PINX1: variants seen among roughly 807,000 people sequenced by gnomAD.
PINX1 encodes the protein PIN2/TERF1-interacting telomerase inhibitor 1.
PINX1 carries 34 observed loss-of-function variants against 25.4 expected under a neutral mutation model. The ratio of observed to expected loss-of-function variants is 1.34; its 90% confidence interval spans 1.02 to 1.78. The LOEUF (loss-of-function observed/expected upper bound fraction) is 1.78, where lower values mean the gene tolerates loss of function less well. Ranked by LOEUF, PINX1 falls within the 40% of genes most tolerant of loss-of-function variation. PINX1 has a pLI of 0.00. For synonymous variants in PINX1, 197 were observed against 147.7 expected (o/e 1.33, Z -2.42); for missense variants, 592 against 404.9 (o/e 1.46, Z -3.97).
At position 10,765,814 on chromosome 8, in the gene PINX1, T is replaced by C. The variant is rs72549115; in HGVS notation, c.574A>G (p.Lys192Glu). The C allele has an allele frequency of 1.9e-6, 3 of 1,613,964 alleles. No homozygotes were observed. The highest frequency in any genetic ancestry group is 1.6e-4 in the Middle Eastern group (1 of 6,062). The change falls in exon 7 of 7, where the codon AAG becomes GAG. Residue 192 changes from lysine to glutamate, a missense_variant. Lys to Glu is a moderately conservative substitution (Grantham distance 56, BLOSUM62 1). Transcript: ENST00000314787. ...GACCCTGGAACTGGAACCTGGGGCTTGTTCTTCAGTGCTGCCATCCGCTTG... is the reference window on the plus strand; with the variant it reads ...GACCCTGGAACTGGAACCTGGGGCTCGTTCTTCAGTGCTGCCATCCGCTTG... The part of the protein sequence containing the change: ...FAKRMAALKN[K>E]PQVPVPGSDI...
intron 1 of PINX1, among the ~76,000 whole-genome samples, chr8:10,837,164 G>C (rs562978358): frequency 1.3e-5 from 2 of 152,338 alleles, no homozygotes; most frequent in African/African-American, 4.8e-5. Flanking sequence ...CTGAGCACCT[G>C]CTTTCCTTCT....
At chr8:10,784,941 C>G (rs1007520470) in intron 6 of PINX1, among the ~76,000 whole-genome samples, 1 of 152,222 alleles carries the variant, frequency 6.6e-6, no homozygotes, top group African/African-American at 2.4e-5. Context: ...GACATGCAAA[C>G]TCTGAGTGAA....
intron 6 of PINX1, among the ~76,000 whole-genome samples, chr8:10,783,071 A>C (rs1198029900): frequency 6.6e-6 from 1 of 152,238 alleles, no homozygotes; most frequent in Non-Finnish European, 1.5e-5. Flanking sequence ...AGATTGCAAG[A>C]AATTTAAAAG....
intron 6 of PINX1, among the ~76,000 whole-genome samples, chr8:10,802,472 C>T (rs1802298392): frequency 6.6e-6 from 1 of 152,236 alleles, no homozygotes; most frequent in South Asian, 2.1e-4. Flanking sequence ...TACTCCACTC[C>T]ATCATCTTAT....
chr8:10,812,916 C>G (rs1389390963), intron 6 of PINX1, among the ~76,000 whole-genome samples: 1 of 152,226 alleles, frequency 6.6e-6, no homozygotes, highest in Non-Finnish European at 1.5e-5. Flanking sequence ...GTCCTACCTT[C>G]TAACTAATTT....
chr8:10,782,668 G>A (rs1397733733), intron 6 of PINX1, among the ~76,000 whole-genome samples: 4 of 152,212 alleles, frequency 2.6e-5, no homozygotes, highest in African/African-American at 7.2e-5. Context: ...TCCAGGAGGC[G>A]GAGGTTGCAG....
intron 1 of PINX1, among the ~76,000 whole-genome samples, chr8:10,836,763 C>T (rs1341527359): frequency 6.6e-6 from 1 of 152,154 alleles, no homozygotes; most frequent in African/African-American, 2.4e-5. Flanking sequence ...GGAAGAATCT[C>T]CCGGAAACTT....
chr8:10,774,348 C>A (rs1440173028), intron 6 of PINX1, among the ~76,000 whole-genome samples: 1 of 151,064 alleles, frequency 6.6e-6, no homozygotes, highest in Non-Finnish European at 1.5e-5. Flanking sequence ...ATGGCACAAT[C>A]TCGGCTCACC....
intron 6 of PINX1, among the ~76,000 whole-genome samples, chr8:10,817,923 G>A (rs1411252370): frequency 2.5e-5 from 3 of 120,690 alleles, no homozygotes; most frequent in African/African-American, 7.0e-5. Flanking sequence ...AACAATTGGG[G>A]AGGAATTAAA....
intron 1 of PINX1, among the ~76,000 whole-genome samples, chr8:10,835,188 G>T (rs1293340159): frequency 6.6e-6 from 1 of 152,170 alleles, no homozygotes; most frequent in African/African-American, 2.4e-5. Context: ...AAAAGAACAT[G>T]CAATACCAAG....
intron 6 of PINX1, among the ~76,000 whole-genome samples, chr8:10,793,058 G>C (rs1291586141): frequency 6.6e-6 from 1 of 152,010 alleles, no homozygotes; most frequent in Non-Finnish European, 1.5e-5. Flanking sequence ...TCTGACCCTC[G>C]CTAACATCTA....
At chr8:10,778,614 C>T (rs1427580624) in intron 6 of PINX1, among the ~76,000 whole-genome samples, 1 of 152,146 alleles carries the variant, frequency 6.6e-6, no homozygotes, top group Admixed American at 6.5e-5. Context: ...GCTATTCCTC[C>T]CTTTGATTCA....
At chr8:10,766,736 C>G (rs1241487045) in intron 6 of PINX1, among the ~76,000 whole-genome samples, 1 of 152,188 alleles carries the variant, frequency 6.6e-6, no homozygotes, top group East Asian at 1.9e-4. Flanking sequence ...ATGAGTATAT[C>G]TCATTGTCAG....
rs544215949 is a variant in PINX1 at position 10,829,927 on chromosome 8, G to A, written c.301+1738C>T. 5.7e-3 allele frequency among the ~76,000 whole-genome samples: 861 copies of A among 152,064 alleles called. 9 individuals carry two copies. Among genetic ancestry groups the A allele is most frequent in the African/African-American group, 0.02 (826 of 41,498 alleles). ...TCAAACTCCCGACCTCAGGTGATCC[G>A]CCCGCCTCAGCCTCCCAAAGTGCTG... On this transcript the variant is annotated intron_variant, in intron 4 of 6. Coordinates refer to ENST00000314787, the MANE Select transcript of PINX1 (RefSeq NM_017884.6).
chr8:10,796,570 T>C (rs1287139341), intron 6 of PINX1, among the ~76,000 whole-genome samples: 10 of 152,132 alleles, frequency 6.6e-5, no homozygotes, highest in Non-Finnish European at 1.5e-5. Context: ...GATAATAGAT[T>C]TCCTTTAAAA....
intron 6 of PINX1, among the ~76,000 whole-genome samples, chr8:10,772,342 G>T (rs1427521951): frequency 6.6e-6 from 1 of 152,238 alleles, no homozygotes; most frequent in East Asian, 1.9e-4. Flanking sequence ...ACTGAAGGCT[G>T]AGCTAGGCAG....
chr8:10,776,202 G>T (rs191348263), intron 6 of PINX1, among the ~76,000 whole-genome samples: 2 of 152,212 alleles, frequency 1.3e-5, no homozygotes, highest in African/African-American at 2.4e-5. Flanking sequence ...GAGGCAGGTG[G>T]ATCACCTAAG....
At chr8:10,797,285 C>T (rs964805578) in intron 6 of PINX1, among the ~76,000 whole-genome samples, 23 of 152,092 alleles carry the variant, frequency 1.5e-4, no homozygotes, top group African/African-American at 5.1e-4. Context: ...GTGTTTCAAC[C>T]GCACTCTAAA....
intron 6 of PINX1, among the ~76,000 whole-genome samples, chr8:10,767,266 C>T (rs73544343): frequency 0.24 from 36,285 of 151,988 alleles, 4,437 homozygotes; most frequent in East Asian, 0.33. Context: ...TGTCTCGACA[C>T]AGTGGTCCTC....
Sources: gnomAD v4.1 joint callset for allele counts (sites outside exome capture counted in the v4.1 genomes callset) on GRCh38, gnomAD v4.1.1 for gene constraint, MANE v1.5 for transcripts, NCBI Gene and HGNC (gene_info 2026-07-23, HGNC 2026-07-21) for gene names.